The following RNF180 variants were observed in gnomAD, a reference collection of about 807,000 sequenced individuals.
The protein encoded by RNF180 is E3 ubiquitin-protein ligase RNF180.
In RNF180, 38 loss-of-function variants were observed where a neutral mutation model predicts 59.2. The ratio of observed to expected loss-of-function variants is 0.64; its 90% CI spans 0.50 to 0.84. RNF180 has a LOEUF of 0.84. Among genes scored for constraint, RNF180 ranks in the 40% least tolerant of loss-of-function variants. The probability of loss-of-function intolerance (pLI) is 0.00; values close to 1 mark genes in which losing one functional copy is unlikely to be tolerated. For synonymous variants in RNF180, 262 were observed against 240.3 expected (o/e 1.09, Z -0.84); for missense variants, 705 against 700.9 (o/e 1.01, Z -0.07).
At chr5:64,287,356 A>G (rs1462756784) in intron 5 of RNF180, among the ~76,000 whole-genome samples, 1 of 152,192 alleles carries the variant, frequency 6.6e-6, no homozygotes, top group African/African-American at 2.4e-5. Flanking sequence ...AAATATAGTT[A>G]TTATTAATGG....
chr5:64,357,221 A>C (rs1269517026), intron 7 of RNF180, among the ~76,000 whole-genome samples: 1 of 151,852 alleles, frequency 6.6e-6, no homozygotes. Context: ...GAAAAGATGA[A>C]ATTTAAAATC....
Position 64,299,889 on chromosome 5 carries a change from C to G in RNF180, c.1228-25297C>G, listed in dbSNP as rs149608626. On this transcript the variant is annotated intron_variant, in intron 5 of 7. Transcript: ENST00000389100. The stretch of plus-strand genomic sequence containing the variant: ...ATAAGTTTTTAAGTTGCATGCTGTT[C>G]CATGTAGCATGGTAAAACCTTGTGC... 4.0e-5 allele frequency among the ~76,000 whole-genome samples: 6 copies of G among 151,816 alleles called. No individual in the cohort carries two copies. The East Asian group carries it at 1.2e-3, about 29-fold the overall frequency.
intron 7 of RNF180, among the ~76,000 whole-genome samples, chr5:64,368,620 A>C (rs186214761): frequency 6.6e-6 from 1 of 152,132 alleles, no homozygotes; most frequent in African/African-American, 2.4e-5. Context: ...ACAAGAAAAA[A>C]ACAAACAACC....
At chr5:64,316,697 G>C (rs1159822568) in intron 5 of RNF180, among the ~76,000 whole-genome samples, 1 of 152,124 alleles carries the variant, frequency 6.6e-6, no homozygotes, top group Non-Finnish European at 1.5e-5. Flanking sequence ...AACACATTTA[G>C]TACTTAACCT....
intron 5 of RNF180, among the ~76,000 whole-genome samples, chr5:64,306,181 A>G (rs1743442316): frequency 6.6e-6 from 1 of 151,740 alleles, no homozygotes; most frequent in African/African-American, 2.4e-5. Context: ...CTTGAAACCC[A>G]ATTGCATAAG....
intron 7 of RNF180, among the ~76,000 whole-genome samples, chr5:64,333,177 T>TC (rs1432434007): frequency 6.6e-6 from 1 of 152,192 alleles, no homozygotes; most frequent in Non-Finnish European, 1.5e-5. Flanking sequence ...TATTTTTTAC[T>TC]CATTTATTTT....
At chr5:64,188,265 C>G (rs1432671022) in intron 1 of RNF180, among the ~76,000 whole-genome samples, 2 of 152,034 alleles carry the variant, frequency 1.3e-5, no homozygotes, top group African/African-American at 4.8e-5. Flanking sequence ...TAAGGACATG[C>G]TATTTCTTTA....
At chr5:64,195,336 C>T (rs1306178778) in intron 1 of RNF180, among the ~76,000 whole-genome samples, 1 of 152,016 alleles carries the variant, frequency 6.6e-6, no homozygotes, top group Admixed American at 6.5e-5. Flanking sequence ...GTTTTATATA[C>T]CAAGTGTATG....
At chr5:64,260,340 T>G (rs528781851) in intron 5 of RNF180, among the ~76,000 whole-genome samples, 1 of 152,334 alleles carries the variant, frequency 6.6e-6, no homozygotes, top group South Asian at 2.1e-4. Context: ...ATTAATGAAT[T>G]TTAAAAATTG....
intron 5 of RNF180, among the ~76,000 whole-genome samples, chr5:64,221,103 AT>A (rs1741304455): frequency 2.6e-5 from 4 of 152,054 alleles, no homozygotes; most frequent in African/African-American, 9.7e-5. Flanking sequence ...CCCATTTAAT[AT>A]TTCATCTCTT....
chr5:64,314,240 G>A (rs1319591385), intron 5 of RNF180, among the ~76,000 whole-genome samples: 1 of 151,952 alleles, frequency 6.6e-6, no homozygotes, highest in Non-Finnish European at 1.5e-5. Context: ...TGCTCAACCT[G>A]TACTAAATAT....
intron 7 of RNF180, among the ~76,000 whole-genome samples, chr5:64,332,918 A>G (rs1450243160): frequency 1.3e-5 from 2 of 152,158 alleles, no homozygotes; most frequent in African/African-American, 4.8e-5. Flanking sequence ...CGTAAGACCA[A>G]CAAGATCAGT....
intron 1 of RNF180, among the ~76,000 whole-genome samples, chr5:64,180,914 G>T (rs978884943): frequency 1.3e-5 from 2 of 152,124 alleles, no homozygotes; most frequent in Non-Finnish European, 2.9e-5. Flanking sequence ...CTCTAGAGGG[G>T]CAGAACTAAC....
chr5:64,269,749 A>G (rs1744901908), intron 5 of RNF180, among the ~76,000 whole-genome samples: 1 of 152,168 alleles, frequency 6.6e-6, no homozygotes, highest in African/African-American at 2.4e-5. Flanking sequence ...TTATTTTTGA[A>G]GTAAAGCTGA....
intron 7 of RNF180, among the ~76,000 whole-genome samples, chr5:64,360,144 T>C (rs1580310262): frequency 6.6e-6 from 1 of 152,010 alleles, no homozygotes; most frequent in East Asian, 1.9e-4. Flanking sequence ...ATATGAACTT[T>C]AAAGTAGTTT....
At chr5:64,214,608 A>T in intron 4 of RNF180, 91 bp downstream of exon 4, 1 of 1,196,408 alleles carries the variant, frequency 8.4e-7, no homozygotes, top group Non-Finnish European at 1.2e-6. Flanking sequence ...TGTATAATAA[A>T]AACTTGGTTT....
At chr5:64,178,803 T>C (rs189661434) in intron 1 of RNF180, among the ~76,000 whole-genome samples, 8 of 152,328 alleles carry the variant, frequency 5.3e-5, no homozygotes, top group Non-Finnish European at 1.0e-4. Context: ...CAACTACATA[T>C]TTTTTCTAAA....
In RNF180 at chr5:64,370,070, G is replaced by C. The variant is rs1183169069; in HGVS notation, c.*256G>C. 4.0e-6 allele frequency: 1 copy of C among 248,248 alleles called. No homozygotes were observed. The highest frequency in any genetic ancestry group is 7.6e-6 in the Non-Finnish European group (1 of 131,880). 15.4% of individuals were successfully genotyped at this position (248,248 alleles called of 1,614,324 possible). A position where few individuals can be genotyped will look rare whatever the true frequency, so the allele number is the denominator to read the frequency against. ...CATAGTTGTTCTTGGGTTAGGATTT[G>C]GGGCTCTGATTTTATAATATCACTT... is the stretch of plus-strand genomic sequence containing the variant. On this transcript the variant is annotated 3_prime_UTR_variant, in exon 8 of 8. Coordinates refer to ENST00000389100, the MANE Select transcript of RNF180 (RefSeq NM_001113561.2).
intron 5 of RNF180, among the ~76,000 whole-genome samples, chr5:64,246,158 G>C (rs191350577): frequency 5.9e-5 from 9 of 152,252 alleles, no homozygotes; most frequent in African/African-American, 1.9e-4. Context: ...GTCCACAGGA[G>C]AAAGTGGGAA....
Sources: allele counts gnomAD v4.1 joint callset (sites outside exome capture counted in the v4.1 genomes callset), GRCh38; gene constraint gnomAD v4.1.1; transcripts MANE v1.5; gene names NCBI Gene and HGNC (gene_info 2026-07-23, HGNC 2026-07-21).